COL9A3: variants seen among roughly 807,000 people sequenced by gnomAD.
COL9A3 encodes collagen type IX alpha 3 chain.
Under a neutral mutation model 110.2 loss-of-function variants are expected in COL9A3, and 82 were observed. That is an observed-to-expected ratio of 0.74 (90% confidence interval 0.62 to 0.89). COL9A3 has a LOEUF of 0.89. Among genes scored for constraint, COL9A3 ranks in the 40% least tolerant of loss-of-function variants. The pLI is 0.00. For synonymous variants in COL9A3, 494 were observed against 403.8 expected, an observed-to-expected ratio of 1.22 and a Z score of -2.68; for missense variants, 1,066 against 981.3, an observed-to-expected ratio of 1.09 and a Z score of -1.15.
At chr20:62,832,740 G>C in intron 25 of COL9A3, 1 of 267,656 alleles carries the variant, frequency 3.7e-6, no homozygotes, top group African/African-American at 4.4e-5. Flanking sequence ...CATACCGCTG[G>C]AGGGCCTGCA....
At chr20:62,818,674 G>A in intron 3 of COL9A3, 121 bp downstream of exon 3, 2 of 1,004,084 alleles carry the variant, frequency 2.0e-6, no homozygotes, top group African/African-American at 1.6e-5. Context: ...CCTGAGGGGA[G>A]GCCTCAGAGG....
At position 62,836,273 on chromosome 20, in the gene COL9A3, T is replaced by C. The variant is rs2063634756; in HGVS notation, c.1488T>C (p.Gly496=). 1.9e-6 allele frequency: 3 copies of C among 1,613,770 alleles called. No individual in the cohort carries two copies. Among genetic ancestry groups the C allele is most frequent in the African/African-American group, 2.7e-5 (2 of 74,944 alleles). ...SGVQGVPGPP[G]PLGLQGVPGV... Reference sequence around the variant, plus strand: ...TTCAGGGTGTCCCCGGGCCCCCCGGTCCTCTGGGCCTGCAGGGCGTCCCGG... The same window carrying C: ...TTCAGGGTGTCCCCGGGCCCCCCGGCCCTCTGGGCCTGCAGGGCGTCCCGG... Residue 496 remains glycine, a synonymous_variant, in exon 28 of 32, where the codon GGT becomes GGC. Transcript: ENST00000649368.
rs1205695360 is a variant in COL9A3, at chr20:62,829,513, G to A, written c.1053+14G>A. The stretch of plus-strand genomic sequence containing the variant: ...AAGGGAGAACGGGTATGTGGCTGCA[G>A]CCGCTTTCTCTCTGGGAGGGGAGGC... On this transcript the variant is annotated intron_variant, in intron 20 of 31. Transcript: ENST00000649368. 1.9e-6 allele frequency: 3 copies of A among 1,607,224 alleles called. No homozygotes were observed. The highest frequency in any genetic ancestry group is 2.2e-5 in the East Asian group (1 of 44,690).
At chr20:62,821,688 C>T (rs1161626138) in intron 7 of COL9A3, 69 bp from the exon 8 acceptor site, 1 of 1,554,474 alleles carries the variant, frequency 6.4e-7, no homozygotes. Context: ...AGGCGGCACA[C>T]CAACCCTGGG....
At chr20:62,825,922 T>C in intron 13 of COL9A3, 52 bp downstream of exon 13, 2 of 1,531,906 alleles carry the variant, frequency 1.3e-6, no homozygotes, top group East Asian at 2.4e-5. Flanking sequence ...GCCCACAGAG[T>C]GATCAAGCCC....
At position 62,821,187 on chromosome 20, in the gene COL9A3, C is replaced by A. The variant is rs530441251; in HGVS notation, c.316C>A (p.Leu106Met). 1 of 1,613,254 alleles carries A rather than the reference C, an allele frequency of 6.2e-7. No homozygotes were observed. The highest frequency in any genetic ancestry group is 1.1e-5 in the South Asian group (1 of 91,034). The stretch of plus-strand genomic sequence containing the variant: ...GCCTGCTTTCCTCCCACAGGGAAGT[C>A]TGGGACCCCCGGGGCCGCCCGGGCT... ...PKGAPGERGS[L>M]GPPGPPGLGG... Residue 106 changes from leucine (L) to methionine (M), a missense_variant, in exon 6 of 32, where the codon CTG becomes ATG. Transcript: ENST00000649368.
In COL9A3 at chr20:62,825,797, C is replaced by A; in HGVS notation, c.631-20C>A. On this transcript the variant is annotated intron_variant, in intron 12 of 31. Transcript: ENST00000649368. ...GAGAGCCAGACTGGGCCGCTGACCA[C>A]CCTATCCCCTCTGTTTCAGGGTGAC... is the stretch of plus-strand genomic sequence containing the variant. 1 of 1,551,748 alleles carries A rather than the reference C, an allele frequency of 6.4e-7. No homozygotes were observed. The highest frequency in any genetic ancestry group is 8.7e-7 in the Non-Finnish European group (1 of 1,147,446).
rs780719025 is a variant in COL9A3, at chr20:62,819,895, T to C, written c.256-34T>C. Reference sequence around the variant, plus strand: ...TGGGGGGTGGCATGTGCTTCCCATGTGGCCCCTCGAGCTCGCCCTCTGCCT... The same window carrying C: ...TGGGGGGTGGCATGTGCTTCCCATGCGGCCCCTCGAGCTCGCCCTCTGCCT... On this transcript the variant is annotated intron_variant, in intron 4 of 31. Transcript: ENST00000649368. 4.3e-6 allele frequency: 7 copies of C among 1,612,098 alleles called. No individual in the cohort carries two copies. In the African/African-American group the frequency reaches 9.3e-5, roughly 22 times the overall value.
chr20:62,825,562 G>T (rs2063545735), intron 12 of COL9A3: 4 of 584,518 alleles, frequency 6.8e-6, no homozygotes, highest in Admixed American at 3.0e-5. Context: ...TGGCCACGAG[G>T]AGGGGCCTGG....
chr20:62,830,637 G>T, intron 24 of COL9A3, 49 bp downstream of exon 24: 2 of 985,236 alleles, frequency 2.0e-6, no homozygotes, highest in Non-Finnish European at 2.6e-6. Flanking sequence ...CTCTACCCAT[G>T]TACCACAGTC....
chr20:62,827,634 C>A (rs976994877), intron 16 of COL9A3, among the ~76,000 whole-genome samples: 1 of 152,218 alleles, frequency 6.6e-6, no homozygotes, highest in Non-Finnish European at 1.5e-5. Flanking sequence ...GGCAGCCAAG[C>A]GTTCCAGGAG....
At position 62,841,104 on chromosome 20, in the gene COL9A3, T is replaced by G; in HGVS notation, c.*372T>G. 1 of 235,112 alleles carries G rather than the reference T, an allele frequency of 4.3e-6. No homozygotes were observed. 14.6% of individuals were successfully genotyped at this position (235,112 alleles called of 1,614,324 possible). A position where few individuals can be genotyped will look rare whatever the true frequency, so the allele number is the denominator to read the frequency against. ...TATATTAAACCTTCAGATTAATGAC[T>G]GGCTACAGAGTAACAAAAAATAAAG... On this transcript the variant is annotated 3_prime_UTR_variant, in exon 32 of 32. Coordinates refer to ENST00000649368, the MANE Select transcript of COL9A3 (RefSeq NM_001853.4).
chr20:62,840,960 A>C lies in COL9A3; in HGVS notation c.*228A>C, dbSNP rs41310201. The C allele has an allele frequency of 9.3e-3, 5,268 of 566,426 alleles. 37 individuals are homozygous for C. Among genetic ancestry groups the C allele is most frequent in the Non-Finnish European group, 0.013 (4,064 of 312,800 alleles). The allele number at this position is 566,426 out of a possible 1,614,324, so 35.1% of individuals were successfully genotyped here. On this transcript the variant is annotated 3_prime_UTR_variant, in exon 32 of 32. Coordinates refer to ENST00000649368, the MANE Select transcript of COL9A3 (RefSeq NM_001853.4). ...AATAAACCTGTAAGCCCAGCATTTG[A>C]GAGAAGGTAGGGTGTGTATATATAA...
chr20:62,838,074 A>C (rs527456673), intron 30 of COL9A3, among the ~76,000 whole-genome samples: 1 of 152,378 alleles, frequency 6.6e-6, no homozygotes, highest in Non-Finnish European at 1.5e-5. Flanking sequence ...ATGATTACAA[A>C]ATATTAATAA....
At position 62,836,205 on chromosome 20, in the gene COL9A3, C is replaced by G; in HGVS notation, c.1420C>G (p.Leu474Val). ...TCTGCAGTCTGGCAGTCGAGGGGAG[C>G]TGGGCCCCAAAGGCACCCAGGGTCC... ...PKGESGSRGE[L>V]GPKGTQGPNG... is the part of the protein sequence containing the mutation. Residue 474 changes from leucine (L) to valine (V), a missense_variant, in exon 28 of 32, where the codon CTG (leucine) becomes GTG (valine). Coordinates refer to ENST00000649368, the MANE Select transcript of COL9A3 (RefSeq NM_001853.4). 6.2e-7 allele frequency: 1 copy of G among 1,613,464 alleles called. No homozygotes were observed. Among genetic ancestry groups the G allele is most frequent in the Non-Finnish European group, 8.5e-7 (1 of 1,179,952 alleles).
In COL9A3 at chr20:62,829,436, G is replaced by T. The variant is rs201345144; in HGVS notation, c.1009-19G>T. ...TGCAATGTAACTGGCAGCCCTGACC[G>T]CAAGCTCTCTCCTGGCAGGGCCTCC... On this transcript the variant is annotated intron_variant, in intron 19 of 31. Coordinates refer to ENST00000649368, the MANE Select transcript of COL9A3 (RefSeq NM_001853.4). 1.9e-6 allele frequency: 3 copies of T among 1,612,616 alleles called. No homozygotes were observed. Among genetic ancestry groups the T allele is most frequent in the East Asian group, 2.2e-5 (1 of 44,872 alleles).
chr20:62,836,460 G>C lies in COL9A3; in HGVS notation c.1549-18G>C, dbSNP rs746183735. The C allele has an allele frequency of 1.9e-6, 3 of 1,613,716 alleles. No individual in the cohort carries two copies. The highest frequency in any genetic ancestry group is 2.5e-6 in the Non-Finnish European group (3 of 1,179,810). ...GGCTGCCGCCCCCATGCTGACGAAT[G>C]TGTGGGGTGAATTCCAGGGGAAGGA... On this transcript the variant is annotated intron_variant, in intron 28 of 31. Transcript: ENST00000649368.
At chr20:62,839,086 G>C (rs980209435) in intron 31 of COL9A3, among the ~76,000 whole-genome samples, 20 of 152,122 alleles carry the variant, frequency 1.3e-4, no homozygotes, top group African/African-American at 4.8e-4. Flanking sequence ...TGAGCCGGGC[G>C]TGGTGGCGGG....
chr20:62,831,965 CA>C, intron 24 of COL9A3, 188 bp from the exon 25 acceptor site: 1 of 679,356 alleles, frequency 1.5e-6, no homozygotes, highest in Non-Finnish European at 2.7e-6. Context: ...TGGACAGAGC[CA>C]TCGGGCCCAG....
Sources: gnomAD v4.1 joint callset for allele counts (sites outside exome capture counted in the v4.1 genomes callset) on GRCh38, gnomAD v4.1.1 for gene constraint, MANE v1.5 for transcripts, NCBI Gene and HGNC (gene_info 2026-07-23, HGNC 2026-07-21) for gene names.